IFT81: variants seen among roughly 807,000 people sequenced by gnomAD.
IFT81 encodes intraflagellar transport 81.
IFT81 carries 72 observed loss-of-function variants against 102.6 expected under a neutral mutation model. The observed-to-expected ratio is 0.70, with a 90% confidence interval of 0.58 to 0.85. The LOEUF (loss-of-function observed/expected upper bound fraction) is 0.85, where lower values mean the gene tolerates loss of function less well. Ranked by LOEUF, IFT81 falls within the 40% of genes least tolerant of loss-of-function variation. The pLI is 0.00. For missense variants in IFT81, 723 were observed against 787.3 expected, an observed-to-expected ratio of 0.92 and a Z score of 0.98; for synonymous variants, 237 against 242.7, an observed-to-expected ratio of 0.98 and a Z score of 0.22.
Position 110,127,489 on chromosome 12 carries a change from G to C in IFT81, c.109G>C (p.Val37Leu). 6.2e-7 allele frequency: 1 copy of C among 1,608,668 alleles called. No individual in the cohort carries two copies. The highest frequency in any genetic ancestry group is 1.3e-5 in the African/African-American group (1 of 74,770). The change falls in exon 2 of 19, where the codon GTT (valine) becomes CTT (leucine). Residue 37 changes from valine (V) to leucine (L), a missense_variant. Transcript: ENST00000242591. ...DSLEPMQLLQVLSDVLAEIDP... is the reference protein window; with the variant it reads ...DSLEPMQLLQLLSDVLAEIDP... Reference sequence around the variant, plus strand: ...CTTGGAGCCAATGCAACTATTACAAGTTCTCAGTGATGTTCTGGCTGAGAT... The same window carrying C: ...CTTGGAGCCAATGCAACTATTACAACTTCTCAGTGATGTTCTGGCTGAGAT...
At chr12:110,180,963 T>C (rs1366675136) in intron 12 of IFT81, among the ~76,000 whole-genome samples, 1 of 152,228 alleles carries the variant, frequency 6.6e-6, no homozygotes, top group African/African-American at 2.4e-5. Flanking sequence ...AAGTGCTGTG[T>C]GGAAGTCTGC....
intron 12 of IFT81, among the ~76,000 whole-genome samples, chr12:110,189,546 G>A (rs560140757): frequency 1.3e-5 from 2 of 151,910 alleles, no homozygotes; most frequent in South Asian, 2.1e-4. Context: ...ACAAGGTTTC[G>A]CCATGTTGGC....
intron 11 of IFT81, among the ~76,000 whole-genome samples, chr12:110,175,847 C>T (rs1897013891): frequency 6.6e-6 from 1 of 152,164 alleles, no homozygotes; most frequent in Non-Finnish European, 1.5e-5. Context: ...CAGAGTCTGT[C>T]TCTGTTGCCC....
chr12:110,184,596 G>T (rs532274010), intron 12 of IFT81, among the ~76,000 whole-genome samples: 1 of 152,192 alleles, frequency 6.6e-6, no homozygotes, highest in African/African-American at 2.4e-5. Context: ...CTTATGAAGG[G>T]TAAAGGGAAG....
intron 11 of IFT81, among the ~76,000 whole-genome samples, chr12:110,172,943 G>GGGGT (rs1896823063): frequency 7.8e-6 from 1 of 127,616 alleles, no homozygotes. Context: ...GGAGGGAGGT[G>GGGGT]GGGGTCAGCC....
rs554504522 is a variant in IFT81 at position 110,158,629 on chromosome 12, G to T, written c.1042-4290G>T. ...TTTTGAAATGGAGTCTCGCTCTTTC[G>T]CCCAGGCCAAACTGCAGTGGCACTA... is the stretch of plus-strand genomic sequence containing the variant. On this transcript the variant is annotated intron_variant, in intron 10 of 18. Transcript: ENST00000242591. Among the ~76,000 whole-genome samples, 12 of 150,714 alleles carry T rather than the reference G, an allele frequency of 8.0e-5. No individual in the cohort carries two copies. In the South Asian group the frequency reaches 1.5e-3, roughly 18 times the overall value.
intron 12 of IFT81, among the ~76,000 whole-genome samples, chr12:110,187,633 G>A (rs958101667): frequency 6.6e-6 from 1 of 152,010 alleles, no homozygotes; most frequent in African/African-American, 2.4e-5. Context: ...ATTTTTTATT[G>A]AATGTTGGGT....
intron 4 of IFT81, 147 bp from the exon 5 acceptor site, chr12:110,132,400 T>C (rs1894218779): frequency 2.6e-6 from 1 of 381,304 alleles, no homozygotes; most frequent in Non-Finnish European, 4.7e-6. Flanking sequence ...GCGGAAGTTG[T>C]AGTGAGCCGA....
intron 10 of IFT81, among the ~76,000 whole-genome samples, chr12:110,151,570 T>C (rs1895529255): frequency 6.6e-6 from 1 of 152,232 alleles, no homozygotes; most frequent in African/African-American, 2.4e-5. Flanking sequence ...TTTATATTTA[T>C]GGTATACAAC....
rs530311826 is a variant in IFT81, at chr12:110,165,844, A to G, written c.1188+2779A>G. 7.9e-5 allele frequency among the ~76,000 whole-genome samples: 12 copies of G among 152,350 alleles called. 1 individual carries two copies. In the South Asian group the frequency reaches 1.7e-3, roughly 21 times the overall value. On this transcript the variant is annotated intron_variant, in intron 11 of 18. Coordinates refer to ENST00000242591, the MANE Select transcript of IFT81 (RefSeq NM_014055.4). ...TCTTTATTATCTCTAGGAAAGGCAC[A>G]TGAAATAATAGGTGCTAAAGCTTCT...
chr12:110,180,495 T>C lies in IFT81; in HGVS notation c.1262T>C (p.Leu421Pro). The stretch of plus-strand genomic sequence containing the variant: ...AAGAAGCATCAGATAATAGCTGAAC[T>C]TAAAGCTGAATTCGGTCTTTTGCAG... ...FKKKHQIIAE[L>P]KAEFGLLQRT... Residue 421 changes from leucine (L) to proline (P), a missense_variant, in exon 12 of 19, where the codon CTT becomes CCT. Leu to Pro is a moderately conservative substitution (Grantham distance 98). Transcript: ENST00000242591. 1 of 1,611,822 alleles carries C rather than the reference T, an allele frequency of 6.2e-7. No homozygotes were observed. Among genetic ancestry groups the C allele is most frequent in the Non-Finnish European group, 8.5e-7 (1 of 1,178,266 alleles).
intron 8 of IFT81, among the ~76,000 whole-genome samples, chr12:110,142,969 G>A (rs1263127549): frequency 6.6e-6 from 1 of 151,996 alleles, no homozygotes; most frequent in Non-Finnish European, 1.5e-5. Context: ...AAAAATACAT[G>A]ATCATCTGTA....
At chr12:110,147,531 A>G (rs944642248) in intron 10 of IFT81, among the ~76,000 whole-genome samples, 5 of 152,230 alleles carry the variant, frequency 3.3e-5, no homozygotes, top group Non-Finnish European at 7.3e-5. Flanking sequence ...GTATATTTCT[A>G]TAAAAGATTC....
chr12:110,209,147 T>G (rs760856261), intron 17 of IFT81, 24 bp from the exon 18 acceptor site: 1 of 1,379,548 alleles, frequency 7.2e-7, no homozygotes, highest in Non-Finnish European at 1.0e-6. Context: ...AAATTGAAAG[T>G]AAATCATTAT....
At chr12:110,139,871 A>T (rs566613498) in intron 8 of IFT81, among the ~76,000 whole-genome samples, 149 of 138,692 alleles carry the variant, frequency 1.1e-3, no homozygotes, top group African/African-American at 3.2e-3. Flanking sequence ...TAAAATATAA[A>T]ATAAAATAAA....
intron 11 of IFT81, among the ~76,000 whole-genome samples, chr12:110,179,763 T>TAC (rs1367096807): frequency 1.5e-5 from 1 of 68,950 alleles, no homozygotes. Context: ...TATATATATA[T>TAC]ATATATATAT....
chr12:110,139,106 C>T (rs1406864815), intron 8 of IFT81, among the ~76,000 whole-genome samples: 1 of 151,924 alleles, frequency 6.6e-6, no homozygotes, highest in Non-Finnish European at 1.5e-5. Context: ...GAGGCAAAGG[C>T]GAGCAGATCA....
intron 9 of IFT81, among the ~76,000 whole-genome samples, chr12:110,144,863 CTTTTTTTTT>C (rs34675452): frequency 7.5e-5 from 7 of 93,090 alleles, no homozygotes; most frequent in African/African-American, 3.4e-4. Flanking sequence ...GGTGCAGTGC[CTTTTTTTTT>C]TTTTTTTTTT....
chr12:110,207,986 A>G (rs563595943), intron 17 of IFT81, among the ~76,000 whole-genome samples: 4 of 152,164 alleles, frequency 2.6e-5, no homozygotes, highest in Non-Finnish European at 5.9e-5. Context: ...ACTTGTAAAA[A>G]CAACAGTAAC....
Sources: gnomAD v4.1 joint callset for allele counts (sites outside exome capture counted in the v4.1 genomes callset) on GRCh38, gnomAD v4.1.1 for gene constraint, MANE v1.5 for transcripts, NCBI Gene and HGNC (gene_info 2026-07-23, HGNC 2026-07-21) for gene names.